The following COG5 variants were observed in gnomAD, a reference collection of about 807,000 sequenced individuals.
COG5 encodes conserved oligomeric Golgi complex subunit 5.
A neutral mutation model predicts 110.4 loss-of-function variants in COG5; 86 were observed. That is an observed-to-expected ratio of 0.78 (90% CI 0.65 to 0.93). The LOEUF (loss-of-function observed/expected upper bound fraction) is 0.93. Among genes scored for constraint, COG5 ranks in the 40% least tolerant of loss-of-function variants. The pLI is 0.00. For synonymous variants in COG5, 360 were observed against 334.6 expected, an observed-to-expected ratio of 1.08 and a Z score of -0.83; for missense variants, 1,077 against 987.0, an observed-to-expected ratio of 1.09 and a Z score of -1.22.
At chr7:107,301,758 A>T (rs1807287551) in intron 11 of COG5, among the ~76,000 whole-genome samples, 1 of 152,006 alleles carries the variant, frequency 6.6e-6, no homozygotes, top group Admixed American at 6.6e-5. Context: ...AATTCCAGCT[A>T]TTTGGGAGGC....
intron 21 of COG5, chr7:107,209,925 A>T: frequency 2.0e-6 from 2 of 986,558 alleles, no homozygotes; most frequent in Non-Finnish European, 2.4e-6. Context: ...GAGCAGTTGC[A>T]GGGAAGAGTG....
At chr7:107,339,262 A>G (rs973998934) in intron 10 of COG5, among the ~76,000 whole-genome samples, 1 of 152,124 alleles carries the variant, frequency 6.6e-6, no homozygotes, top group Non-Finnish European at 1.5e-5. Flanking sequence ...CAACAACAGT[A>G]AAAAACGATA....
chr7:107,233,216 G>A (rs540287883), intron 18 of COG5, among the ~76,000 whole-genome samples: 1 of 152,318 alleles, frequency 6.6e-6, no homozygotes, highest in Non-Finnish European at 1.5e-5. Flanking sequence ...TGGAGGGGGA[G>A]TATGTGCTTC....
Position 107,434,969 on chromosome 7 carries a change from TA to T in COG5, c.539-22338del, listed in dbSNP as rs1240287746. Among the ~76,000 whole-genome samples the T allele has an allele frequency of 5.3e-3, 726 of 136,394 alleles. 3 individuals are homozygous for T. Among genetic ancestry groups the T allele is most frequent in the African/African-American group, 7.3e-3 (272 of 37,186 alleles). The allele number at this position is 136,394 out of a possible 152,430, so 89.5% of individuals were successfully genotyped here. ...TGGACGACAGAGCGAGACTCCGTCTTAAAAAAAAAAAAAAAGAACAAAATCC... is the reference window on the plus strand; with the variant it reads ...TGGACGACAGAGCGAGACTCCGTCTTAAAAAAAAAAAAAAGAACAAAATCC... On this transcript the variant is annotated intron_variant, in intron 6 of 21. Coordinates refer to ENST00000297135, the MANE Select transcript of COG5 (RefSeq NM_006348.5).
rs372292717 is a variant in COG5, at chr7:107,262,770, A to C, written c.1576-4387T>G. On this transcript the variant is annotated intron_variant, in intron 14 of 21. Coordinates refer to ENST00000297135, the MANE Select transcript of COG5 (RefSeq NM_006348.5). Reference sequence around the variant, plus strand: ...CTTTGCTGTATATTTCCCTGAAAAAATAGAAGCAATCAGAAAACTCCTGTT... The same window carrying C: ...CTTTGCTGTATATTTCCCTGAAAAACTAGAAGCAATCAGAAAACTCCTGTT... Among the ~76,000 whole-genome samples, 9 of 152,202 alleles carry C rather than the reference A, an allele frequency of 5.9e-5. No homozygotes were observed. The South Asian group carries it at 1.2e-3, about 21-fold the overall frequency.
At chr7:107,501,600 T>C (rs1159850680) in intron 6 of COG5, among the ~76,000 whole-genome samples, 2 of 152,170 alleles carry the variant, frequency 1.3e-5, no homozygotes, top group Admixed American at 1.3e-4. Flanking sequence ...ATGAATAGAA[T>C]CATAAATGTG....
intron 6 of COG5, among the ~76,000 whole-genome samples, chr7:107,488,748 A>AAG (rs1187409899): frequency 2.6e-5 from 4 of 152,150 alleles, no homozygotes; most frequent in Admixed American, 6.5e-5. Flanking sequence ...TCAAGAGCCT[A>AAG]AGGTGAGAGG....
intron 10 of COG5, among the ~76,000 whole-genome samples, chr7:107,357,092 A>T (rs1812694211): frequency 6.6e-6 from 1 of 152,208 alleles, no homozygotes; most frequent in Non-Finnish European, 1.5e-5. Context: ...AAAAATCCTG[A>T]ACTTTTTATA....
At chr7:107,523,924 A>G (rs1419711139) in intron 6 of COG5, among the ~76,000 whole-genome samples, 2 of 152,230 alleles carry the variant, frequency 1.3e-5, no homozygotes, top group African/African-American at 4.8e-5. Context: ...TAGACATTCC[A>G]ATCCTAGGTA....
chr7:107,369,291 A>T (rs1405471126), intron 8 of COG5, among the ~76,000 whole-genome samples: 1 of 151,900 alleles, frequency 6.6e-6, no homozygotes, highest in Non-Finnish European at 1.5e-5. Flanking sequence ...GAAATTTGTT[A>T]ATTTAAATGC....
intron 8 of COG5, among the ~76,000 whole-genome samples, 169 bp downstream of exon 8, chr7:107,372,426 T>G (rs556895303): frequency 6.6e-6 from 1 of 152,296 alleles, no homozygotes; most frequent in African/African-American, 2.4e-5. Flanking sequence ...ATTCACTGAT[T>G]AGACAAAAAA....
chr7:107,443,923 C>A (rs572614882), intron 6 of COG5, among the ~76,000 whole-genome samples: 1 of 152,164 alleles, frequency 6.6e-6, no homozygotes, highest in Non-Finnish European at 1.5e-5. Context: ...AGGGAAAGCA[C>A]TGGACTGATT....
At chr7:107,256,846 A>T (rs1802924147) in intron 15 of COG5, 52 bp from the exon 16 acceptor site, 1 of 1,292,948 alleles carries the variant, frequency 7.7e-7, no homozygotes, top group South Asian at 1.2e-5. Context: ...TATTTCTGTA[A>T]ATACTAATTT....
chr7:107,227,040 G>T (rs969839934), intron 19 of COG5, among the ~76,000 whole-genome samples: 2 of 152,140 alleles, frequency 1.3e-5, no homozygotes, highest in Admixed American at 1.3e-4. Context: ...AGAGAAAAGG[G>T]TATAAATCTT....
chr7:107,374,964 A>T (rs1486510957), intron 7 of COG5, among the ~76,000 whole-genome samples: 6 of 152,042 alleles, frequency 3.9e-5, no homozygotes, highest in Non-Finnish European at 8.8e-5. Flanking sequence ...GAACACACCT[A>T]GTTAACTATC....
At chr7:107,245,755 GA>G (rs1229464170) in intron 17 of COG5, among the ~76,000 whole-genome samples, 2 of 152,164 alleles carry the variant, frequency 1.3e-5, no homozygotes, top group Non-Finnish European at 1.5e-5. Flanking sequence ...TCATGGATAG[GA>G]AGAATCAGTA....
intron 19 of COG5, among the ~76,000 whole-genome samples, chr7:107,223,080 G>A (rs1800066215): frequency 6.6e-6 from 1 of 152,130 alleles, no homozygotes; most frequent in Non-Finnish European, 1.5e-5. Context: ...TCTCTTCCAT[G>A]CCACTTGCCA....
Position 107,411,823 on chromosome 7 carries a change from C to A in COG5, c.669+679G>T, listed in dbSNP as rs116321794. Among the ~76,000 whole-genome samples the A allele has an allele frequency of 5.4e-3, 825 of 152,114 alleles. 9 individuals carry two copies. The highest frequency in any genetic ancestry group is 0.019 in the African/African-American group (803 of 41,520). ...CTGATTTAGAGGATATGAAAAAACT[C>A]TATTAATAATTATATTGGAGCCCAA... On this transcript the variant is annotated intron_variant, in intron 7 of 21. Transcript: ENST00000297135.
At chr7:107,539,903 T>C (rs1473576431) in intron 5 of COG5, among the ~76,000 whole-genome samples, 1 of 152,134 alleles carries the variant, frequency 6.6e-6, no homozygotes, top group Non-Finnish European at 1.5e-5. Context: ...CTGTGATCTT[T>C]GAGAGAAACA....
Sources: gnomAD v4.1 joint callset for allele counts (sites outside exome capture counted in the v4.1 genomes callset) on GRCh38, gnomAD v4.1.1 for gene constraint, MANE v1.5 for transcripts, NCBI Gene and HGNC (gene_info 2026-07-23, HGNC 2026-07-21) for gene names.